PRSS53: variants seen among roughly 807,000 people sequenced by gnomAD.
PRSS53 encodes the protein EDTP308.
Under a neutral mutation model 62.7 loss-of-function variants are expected in PRSS53, and 54 were observed. The ratio of observed to expected loss-of-function variants is 0.86; its 90% CI spans 0.69 to 1.08. The LOEUF is 1.08. Ranked by LOEUF, PRSS53 falls within the 50% of genes least tolerant of loss-of-function variation. The pLI, the probability that PRSS53 is intolerant of heterozygous loss-of-function variation, is 0.00. For missense variants in PRSS53, 688 were observed against 728.3 expected (o/e 0.94, Z 0.64); for synonymous variants, 273 against 300.0 (o/e 0.91, Z 0.93).
chr16:31,087,256 C>G (rs1178368825), intron 3 of PRSS53: 2 of 548,670 alleles, frequency 3.6e-6, no homozygotes, highest in African/African-American at 3.8e-5. Flanking sequence ...CGTGGCCTCC[C>G]AAAGGGCTGG....
At position 31,084,562 on chromosome 16, in the gene PRSS53, C is replaced by T. The variant is rs1295351322; in HGVS notation, c.1421G>A (p.Cys474Tyr). The stretch of plus-strand genomic sequence containing the variant: ...GTGTGGGGGCCTGGGGCTCACCTCA[C>T]AGCTGGGCAGCTCACCCACAGCACT... The change falls in exon 9 of 11, where the codon TGT becomes TAT. Residue 474 changes from cysteine to tyrosine, a missense_variant. Transcript: ENST00000280606. The T allele has an allele frequency of 3.7e-6, 6 of 1,603,686 alleles. No individual in the cohort carries two copies. In the East Asian group the frequency reaches 1.3e-4, roughly 36 times the overall value.
chr16:31,086,699 G>T (rs200094417), exon 4 of PRSS53: 2 of 1,563,514 alleles, frequency 1.3e-6, no homozygotes, highest in Non-Finnish European at 1.7e-6. Context: ...CGATGGGCGG[G>T]CTGGGGCAGG....
At chr16:31,088,671 A>C (rs935755088) in intron 1 of PRSS53, 81 bp downstream of exon 1, 4 of 1,600,904 alleles carry the variant, frequency 2.5e-6, no homozygotes, top group Non-Finnish European at 2.6e-6. Context: ...TCCCCCCACC[A>C]AGAAGCAGGG....
exon 10 of PRSS53, chr16:31,084,239 G>T (rs766970145): frequency 6.2e-7 from 1 of 1,611,540 alleles, no homozygotes. Flanking sequence ...AAGACCGCCG[G>T]CCTGGCGGGG....
chr16:31,085,877 G>A (rs1177412750), intron 6 of PRSS53, 87 bp downstream of exon 6: 3 of 1,241,794 alleles, frequency 2.4e-6, no homozygotes, highest in East Asian at 2.3e-5. Flanking sequence ...AGGCTCGGCG[G>A]TGTGGATGCC....
chr16:31,088,353 CT>C (rs2057256110), intron 1 of PRSS53: 1 of 1,125,272 alleles, frequency 8.9e-7, no homozygotes, highest in South Asian at 2.5e-5. Flanking sequence ...CCCACCGCCC[CT>C]CACAGGCACA....
chr16:31,084,020 A>T, intron 10 of PRSS53, 99 bp downstream of exon 10: 1 of 1,503,238 alleles, frequency 6.7e-7, no homozygotes, highest in Non-Finnish European at 8.9e-7. Flanking sequence ...GCTCCACCCT[A>T]CCCAAGGCAG....
At chr16:31,084,838 G>A in exon 8 of PRSS53, 1 of 1,548,616 alleles carries the variant, frequency 6.5e-7, no homozygotes, top group South Asian at 1.2e-5. Context: ...GCAGGTGGTG[G>A]TCAGGATAGG....
chr16:31,087,672 G>T (rs541570052), exon 3 of PRSS53: 14 of 1,611,710 alleles, frequency 8.7e-6, no homozygotes, highest in Non-Finnish European at 1.1e-5. Flanking sequence ...CTGAGGCTTG[G>T]GGGGGCCGGG....
intron 6 of PRSS53, 37 bp downstream of exon 6, chr16:31,085,927 G>C: frequency 6.4e-7 from 1 of 1,571,708 alleles, no homozygotes; most frequent in Non-Finnish European, 8.7e-7. Flanking sequence ...TTGCTTCACA[G>C]TGGCTTCTGC....
chr16:31,084,608 G>A (rs1028131729), exon 9 of PRSS53: 2 of 1,607,078 alleles, frequency 1.2e-6, no homozygotes, highest in Non-Finnish European at 8.5e-7. Flanking sequence ...ATCCCCGGCA[G>A]AATAGGGCTG....
chr16:31,083,471 A>G lies in PRSS53; in HGVS notation c.*319T>C, dbSNP rs937084292. 5.3e-6 allele frequency: 7 copies of G among 1,318,262 alleles called. No individual in the cohort carries two copies. In the African/African-American group the frequency reaches 6.1e-5, roughly 11 times the overall value. 81.7% of individuals were successfully genotyped at this position (1,318,262 alleles called of 1,614,324 possible). On this transcript the variant is annotated 3_prime_UTR_variant, in exon 11 of 11. Coordinates refer to ENST00000280606, the Ensembl canonical transcript of PRSS53. ...TAACAATTTATTTAAGTTTAAAAAA[A>G]GGAAAACTGCTGCCCCCCAAAAAAA...
exon 11 of PRSS53, chr16:31,083,614 T>G: frequency 2.0e-6 from 3 of 1,498,688 alleles, no homozygotes; most frequent in Non-Finnish European, 2.7e-6. Context: ...GACACCCCTG[T>G]CCTGCAGGGT....
rs765447753 is a variant in PRSS53 at position 31,086,432 on chromosome 16, TAC to T, written c.566_567del (p.Cys189TyrfsTer45). On this transcript the variant is annotated frameshift_variant, in exon 5 of 11. Transcript: ENST00000280606. LOFTEE classifies it high-confidence loss of function. ...TGTCGCTGGTGCAGCTGGTTGTAGATACAGTTACATGTGGGGCGACTGATGAG... is the reference window on the plus strand; with the variant it reads ...TGTCGCTGGTGCAGCTGGTTGTAGATAGTTACATGTGGGGCGACTGATGAG... 282 of 1,613,954 alleles carry T rather than the reference TAC, an allele frequency of 1.7e-4. No individual in the cohort carries two copies. Among genetic ancestry groups the T allele is most frequent in the Non-Finnish European group, 2.3e-4 (274 of 1,180,014 alleles).
intron 6 of PRSS53, among the ~76,000 whole-genome samples, chr16:31,085,705 T>C (rs1294313719): frequency 7.2e-5 from 11 of 152,336 alleles, no homozygotes; most frequent in Admixed American, 7.2e-4. Flanking sequence ...GCAGGCTCGC[T>C]GGGTCCCTGC....
exon 6 of PRSS53, chr16:31,085,966 A>G (rs2057228204): frequency 6.2e-7 from 1 of 1,611,992 alleles, no homozygotes; most frequent in South Asian, 1.1e-5. Flanking sequence ...ACTCGTACCT[A>G]CACAGCTGTC....
exon 7 of PRSS53, chr16:31,085,181 C>A (rs773067647): frequency 1.2e-6 from 2 of 1,609,948 alleles, no homozygotes; most frequent in South Asian, 1.1e-5. Flanking sequence ...CCAGCTGTCC[C>A]TGGTGCATCA....
In PRSS53 at chr16:31,084,919, GC is replaced by G; in HGVS notation, c.1139del (p.Gly380AlafsTer13). The G allele has an allele frequency of 3.2e-6, 5 of 1,543,024 alleles. No individual in the cohort carries two copies. The highest frequency in any genetic ancestry group is 3.5e-6 in the Non-Finnish European group (4 of 1,142,676). On this transcript the variant is annotated frameshift_variant, in exon 8 of 11. Transcript: ENST00000280606. LOFTEE classifies it high-confidence loss of function. ...CCAGCAGCAGGAGGGCCATGTCGTA[GC>G]CCCCCTCAGGGTGGGTGTAGGCTCC...
intron 2 of PRSS53, 53 bp from the exon 3 acceptor site, chr16:31,087,752 C>G: frequency 6.2e-7 from 1 of 1,614,146 alleles, no homozygotes; most frequent in Non-Finnish European, 8.5e-7. Flanking sequence ...TGACCTCACC[C>G]CAGTCCCAAC....
Sources: gnomAD v4.1 joint callset for allele counts (sites outside exome capture counted in the v4.1 genomes callset) on GRCh38, gnomAD v4.1.1 for gene constraint, MANE v1.5 for transcripts, NCBI Gene and HGNC (gene_info 2026-07-23, HGNC 2026-07-21) for gene names.